The following PKNOX1 variants were observed in gnomAD, a reference collection of about 807,000 sequenced individuals.
PKNOX1 encodes the protein PBX/knotted 1 homeobox 1, also known as homeobox protein PKNOX1.
A neutral mutation model predicts 51.9 loss-of-function variants in PKNOX1; 15 were observed. The observed-to-expected ratio is 0.29, with a 90% confidence interval of 0.19 to 0.45. The LOEUF is 0.45. PKNOX1 is among the 20% of genes least tolerant of loss of function. PKNOX1 has a pLI of 1.00. For synonymous variants in PKNOX1, 219 were observed against 211.1 expected (o/e 1.04, Z -0.32); for missense variants, 462 against 547.5 (o/e 0.84, Z 1.56).
rs759236030 is a variant in PKNOX1, at chr21:43,032,160, G to A, written c.*2059G>A. 3 of 455,998 alleles carry A rather than the reference G, an allele frequency of 6.6e-6. No individual in the cohort carries two copies. The highest frequency in any genetic ancestry group is 7.0e-5 in the East Asian group (1 of 14,380). The allele number at this position is 455,998 out of a possible 1,614,324, so 28.2% of individuals were successfully genotyped here. A position where few individuals can be genotyped will look rare whatever the true frequency, so the allele number is the denominator to read the frequency against. On this transcript the variant is annotated 3_prime_UTR_variant, in exon 11 of 11. Coordinates refer to ENST00000291547, the MANE Select transcript of PKNOX1 (RefSeq NM_004571.5). ...CAGGTGTGAGCCACCGCGCCCGGCC[G>A]AGAATGACATCTTAAAGCCACCATT... is the stretch of plus-strand genomic sequence containing the variant.
In PKNOX1 at chr21:42,996,164, A is replaced by G. The variant is rs369837599; in HGVS notation, c.-56-8162A>G. Among the ~76,000 whole-genome samples the G allele has an allele frequency of 5.3e-5, 8 of 152,232 alleles. No homozygotes were observed. In the South Asian group the frequency reaches 6.2e-4, roughly 12 times the overall value. On this transcript the variant is annotated intron_variant, in intron 1 of 10. Coordinates refer to ENST00000291547, the MANE Select transcript of PKNOX1 (RefSeq NM_004571.5). ...CAGGGGTTCGAGGCTGCATGATTGC[A>G]CCACTGTACTCCAGCCTAGGTGACA... is the stretch of plus-strand genomic sequence containing the variant.
Position 43,022,732 on chromosome 21 carries a change from A to G in PKNOX1, c.849+1301A>G, listed in dbSNP as rs191064438. ...TGTGTAAGAATGTTAGTGTCGTTCA[A>G]TATAATAATGGAAAGCAGGTCGGCA... is the stretch of plus-strand genomic sequence containing the variant. On this transcript the variant is annotated intron_variant, in intron 8 of 10. Coordinates refer to ENST00000291547, the MANE Select transcript of PKNOX1 (RefSeq NM_004571.5). 9.8e-4 allele frequency among the ~76,000 whole-genome samples: 150 copies of G among 152,320 alleles called. 2 individuals carry two copies. Among genetic ancestry groups the G allele is most frequent in the African/African-American group, 3.4e-3 (141 of 41,586 alleles).
At chr21:42,975,173 C>T (rs1457556192) in intron 1 of PKNOX1, among the ~76,000 whole-genome samples, 4 of 146,428 alleles carry the variant, frequency 2.7e-5, no homozygotes, top group South Asian at 2.1e-4. Flanking sequence ...CTCGCGGAGT[C>T]CTCAGGGCCG....
chr21:43,004,575 T>C (rs1978908136), intron 2 of PKNOX1, 143 bp downstream of exon 2: 2 of 540,352 alleles, frequency 3.7e-6, no homozygotes, highest in South Asian at 3.7e-5. Flanking sequence ...TACATTCGTG[T>C]TCAGAAAAAA....
chr21:43,005,489 C>T lies in PKNOX1; in HGVS notation c.51+1057C>T, dbSNP rs1242899699. On this transcript the variant is annotated intron_variant, in intron 2 of 10. Coordinates refer to ENST00000291547, the MANE Select transcript of PKNOX1 (RefSeq NM_004571.5). ...GAGATTCTGTGATGTAGTCAGCCTG[C>T]TTCCTTAGCCTAGAAGTCCTTAGTC... Among the ~76,000 whole-genome samples, 4 of 150,970 alleles carry T rather than the reference C, an allele frequency of 2.6e-5. 1 individual carries two copies. The highest frequency in any genetic ancestry group is 1.3e-4 in the Admixed American group (2 of 15,132).
At position 43,006,188 on chromosome 21, in the gene PKNOX1, A is replaced by T. The variant is rs1601288630; in HGVS notation, c.52-1303A>T. Among the ~76,000 whole-genome samples, 3 of 151,876 alleles carry T rather than the reference A, an allele frequency of 2.0e-5. No individual in the cohort carries two copies. In the South Asian group the frequency reaches 6.2e-4, roughly 32 times the overall value. ...GCCCCGGCTGGAGTGCAGTGGTGTGATCTCAGCTCACTGCAACCTCCGTCT... is the reference window on the plus strand; with the variant it reads ...GCCCCGGCTGGAGTGCAGTGGTGTGTTCTCAGCTCACTGCAACCTCCGTCT... On this transcript the variant is annotated intron_variant, in intron 2 of 10. Coordinates refer to ENST00000291547, the MANE Select transcript of PKNOX1 (RefSeq NM_004571.5).
Position 43,002,969 on chromosome 21 carries a change from C to T in PKNOX1, c.-56-1357C>T, listed in dbSNP as rs140195889. ...TGACCTTGTGATCCACCCGCCTGCACCTCCCAAAGTGCTGTGATTACAGGC... is the reference window on the plus strand; with the variant it reads ...TGACCTTGTGATCCACCCGCCTGCATCTCCCAAAGTGCTGTGATTACAGGC... On this transcript the variant is annotated intron_variant, in intron 1 of 10. Transcript: ENST00000291547. Among the ~76,000 whole-genome samples the T allele has an allele frequency of 2.1e-3, 316 of 152,318 alleles. 1 individual carries two copies. Among genetic ancestry groups the T allele is most frequent in the Middle Eastern group, 0.014 (4 of 294 alleles).
At chr21:42,994,918 CTTTTT>C (rs11361350) in intron 1 of PKNOX1, among the ~76,000 whole-genome samples, 2 of 113,598 alleles carry the variant, frequency 1.8e-5, no homozygotes, top group African/African-American at 3.4e-5. Context: ...TTTCTTTCTT[CTTTTT>C]TTTTTTTTTT....
chr21:42,985,306 C>CT (rs372437832), intron 1 of PKNOX1, among the ~76,000 whole-genome samples: 3 of 151,750 alleles, frequency 2.0e-5, no homozygotes, highest in African/African-American at 7.3e-5. Flanking sequence ...CTTTCTGTTC[C>CT]TTTTTTTGTT....
intron 4 of PKNOX1, among the ~76,000 whole-genome samples, chr21:43,012,531 GCCT>G (rs768874286): frequency 6.6e-6 from 1 of 152,228 alleles, no homozygotes; most frequent in Non-Finnish European, 1.5e-5. Context: ...CTGCACTTCA[GCCT>G]CCAGCTTGGG....
intron 1 of PKNOX1, among the ~76,000 whole-genome samples, chr21:42,977,536 ACTTT>A (rs2059003419): frequency 9.1e-6 from 1 of 109,648 alleles, no homozygotes; most frequent in Non-Finnish European, 1.7e-5. Context: ...GCTGCTTCCA[ACTTT>A]TTTTTTTTTT....
At chr21:42,984,213 T>A (rs2059040559) in intron 1 of PKNOX1, among the ~76,000 whole-genome samples, 1 of 152,076 alleles carries the variant, frequency 6.6e-6, no homozygotes, top group South Asian at 2.1e-4. Context: ...GAGCTGGGAC[T>A]TAAAGACATG....
chr21:43,029,957 C>T lies in PKNOX1; in HGVS notation c.1167C>T (p.Asp389=), dbSNP rs372297622. 46 of 1,614,158 alleles carry T rather than the reference C, an allele frequency of 2.8e-5. No individual in the cohort carries two copies. Among genetic ancestry groups the T allele is most frequent in the South Asian group, 2.7e-4 (25 of 91,086 alleles). ...ACAGCCTTCAGTCTCTGTCCTCGGA[C>T]GGGGCCACCCTGGCGGTGCAGCAGG... ...NVDSLQSLSS[D]GATLAVQQVM... Residue 389 remains aspartate (D), a synonymous_variant, in exon 11 of 11, where the codon GAC becomes GAT. Coordinates refer to ENST00000291547, the MANE Select transcript of PKNOX1 (RefSeq NM_004571.5).
At chr21:43,022,800 A>G (rs939778729) in intron 8 of PKNOX1, among the ~76,000 whole-genome samples, 6 of 152,184 alleles carry the variant, frequency 3.9e-5, no homozygotes, top group African/African-American at 1.4e-4. Flanking sequence ...TCATATGCAT[A>G]GTTAACATGA....
intron 7 of PKNOX1, among the ~76,000 whole-genome samples, chr21:43,019,307 G>A (rs1255640603): frequency 8.1e-5 from 12 of 148,050 alleles, no homozygotes; most frequent in Admixed American, 4.7e-4. Context: ...CAGGAGAATT[G>A]CTTGACCTGG....
chr21:42,999,532 G>A (rs1056009768), intron 1 of PKNOX1, among the ~76,000 whole-genome samples: 4 of 151,994 alleles, frequency 2.6e-5, no homozygotes, highest in Non-Finnish European at 5.9e-5. Flanking sequence ...CCAGGCTGGA[G>A]TGTAGTGGCA....
chr21:42,982,678 C>T (rs1406702499), intron 1 of PKNOX1, among the ~76,000 whole-genome samples: 2 of 144,366 alleles, frequency 1.4e-5, no homozygotes, highest in East Asian at 4.1e-4. Flanking sequence ...TTATGGTGAG[C>T]TGAGATCGCG....
chr21:42,992,852 G>T (rs2059095150), intron 1 of PKNOX1, among the ~76,000 whole-genome samples: 1 of 147,670 alleles, frequency 6.8e-6, no homozygotes, highest in East Asian at 2.0e-4. Context: ...CGGTATCGGG[G>T]GCTCCCTAAT....
rs371025852 is a variant in PKNOX1, at chr21:42,975,534, T to C, written c.-57+870T>C. On this transcript the variant is annotated intron_variant, in intron 1 of 10. Transcript: ENST00000291547. Reference sequence around the variant, plus strand: ...TTCCTTGTGAGGGAAATCGTGTCACTTAACGAAAAATGAAGAAACGCGGAG... The same window carrying C: ...TTCCTTGTGAGGGAAATCGTGTCACCTAACGAAAAATGAAGAAACGCGGAG... 5.9e-5 allele frequency among the ~76,000 whole-genome samples: 9 copies of C among 152,340 alleles called. No individual in the cohort carries two copies. In the East Asian group the frequency reaches 1.5e-3, roughly 26 times the overall value.
Sources: allele counts gnomAD v4.1 joint callset (sites outside exome capture counted in the v4.1 genomes callset), GRCh38; gene constraint gnomAD v4.1.1; transcripts MANE v1.5; gene names NCBI Gene and HGNC (gene_info 2026-07-23, HGNC 2026-07-21).